DKK2: variants seen among roughly 807,000 people sequenced by gnomAD.
The protein encoded by DKK2 is dickkopf-related protein 2.
In DKK2, 11 loss-of-function variants were observed where a neutral mutation model predicts 28.1. That is an observed-to-expected ratio of 0.39 (90% confidence interval 0.25 to 0.65). The LOEUF (loss-of-function observed/expected upper bound fraction) is 0.65, where lower values mean the gene tolerates loss of function less well. DKK2 is among the 30% of genes least tolerant of loss of function. The pLI is 0.47. For synonymous variants in DKK2, 135 were observed against 126.5 expected, an observed-to-expected ratio of 1.07 and a Z score of -0.45; for missense variants, 326 against 335.5, an observed-to-expected ratio of 0.97 and a Z score of 0.22.
At chr4:106,924,503 T>G (rs1445440391) in intron 3 of DKK2, 42 bp downstream of exon 3, 1 of 1,580,926 alleles carries the variant, frequency 6.3e-7, no homozygotes. Flanking sequence ...TTTCTTCTAT[T>G]TCTTTATTTT....
intron 1 of DKK2, among the ~76,000 whole-genome samples, chr4:106,999,326 C>T (rs1013638095): frequency 6.6e-6 from 1 of 152,128 alleles, no homozygotes; most frequent in African/African-American, 2.4e-5. Flanking sequence ...ACATTATGTG[C>T]ATATACCAAC....
intron 1 of DKK2, among the ~76,000 whole-genome samples, chr4:106,953,148 G>A (rs1183385953): frequency 6.6e-6 from 1 of 152,004 alleles, no homozygotes; most frequent in Non-Finnish European, 1.5e-5. Flanking sequence ...ATTCCCATTT[G>A]TGTTTCAACT....
At chr4:106,991,653 C>T (rs1444629776) in intron 1 of DKK2, among the ~76,000 whole-genome samples, 1 of 152,144 alleles carries the variant, frequency 6.6e-6, no homozygotes, top group Non-Finnish European at 1.5e-5. Context: ...CAATTTGCCA[C>T]AGTGTTTTCG....
Position 106,922,165 on chromosome 4 carries a change from A to C in DKK2, c.*1789T>G, listed in dbSNP as rs1411437647. The C allele has an allele frequency of 6.6e-6, 1 of 152,544 alleles. No individual in the cohort carries two copies. The highest frequency in any genetic ancestry group is 2.4e-5 in the African/African-American group (1 of 41,444). 9.4% of individuals were successfully genotyped at this position (152,544 alleles called of 1,614,324 possible). A position where few individuals can be genotyped will look rare whatever the true frequency, so the allele number is the denominator to read the frequency against. On this transcript the variant is annotated 3_prime_UTR_variant, in exon 4 of 4. Coordinates refer to ENST00000285311, the MANE Select transcript of DKK2 (RefSeq NM_014421.3). Reference sequence around the variant, plus strand: ...TTTGTTTTTGCAGACCTGTGCAGAAAATGTAAGTCTTAATCATCTTAGTAA... The same window carrying C: ...TTTGTTTTTGCAGACCTGTGCAGAACATGTAAGTCTTAATCATCTTAGTAA...
chr4:107,011,991 C>A (rs544794633), intron 1 of DKK2, among the ~76,000 whole-genome samples: 5 of 151,248 alleles, frequency 3.3e-5, no homozygotes, highest in African/African-American at 4.8e-5. Flanking sequence ...AAGTAAATTT[C>A]TATTTTGCTC....
chr4:107,023,334 A>T (rs1467832381), intron 1 of DKK2, among the ~76,000 whole-genome samples: 1 of 152,128 alleles, frequency 6.6e-6, no homozygotes, highest in Non-Finnish European at 1.5e-5. Flanking sequence ...AATCACTGTG[A>T]AAAGACATGG....
At chr4:106,971,333 T>C (rs1335812244) in intron 1 of DKK2, among the ~76,000 whole-genome samples, 1 of 152,148 alleles carries the variant, frequency 6.6e-6, no homozygotes, top group Admixed American at 6.6e-5. Flanking sequence ...TTAACAATAG[T>C]AGCCCCAGAA....
At chr4:106,996,475 A>G (rs949318964) in intron 1 of DKK2, among the ~76,000 whole-genome samples, 1 of 152,166 alleles carries the variant, frequency 6.6e-6, no homozygotes, top group African/African-American at 2.4e-5. Flanking sequence ...GACATAAACT[A>G]TACGAAATCA....
chr4:106,933,595 C>A (rs908463676), intron 1 of DKK2, among the ~76,000 whole-genome samples: 6 of 152,138 alleles, frequency 3.9e-5, no homozygotes, highest in African/African-American at 1.2e-4. Context: ...GCTGGCAATG[C>A]GCAAACTTTG....
At chr4:107,008,510 A>G (rs1358308534) in intron 1 of DKK2, among the ~76,000 whole-genome samples, 2 of 152,064 alleles carry the variant, frequency 1.3e-5, no homozygotes, top group African/African-American at 4.8e-5. Context: ...TCCAAGTAGA[A>G]TTTTTAATAG....
intron 1 of DKK2, among the ~76,000 whole-genome samples, chr4:106,930,805 G>A (rs1409927716): frequency 6.6e-6 from 1 of 152,170 alleles, no homozygotes; most frequent in East Asian, 1.9e-4. Flanking sequence ...TTTGAGGCTA[G>A]TGGATAGATG....
intron 1 of DKK2, among the ~76,000 whole-genome samples, chr4:106,940,073 C>G (rs1578350063): frequency 6.6e-6 from 1 of 152,066 alleles, no homozygotes; most frequent in Non-Finnish European, 1.5e-5. Flanking sequence ...TCTAAAACAC[C>G]AAAAGCAATG....
chr4:107,025,108 G>A (rs904066616), intron 1 of DKK2, among the ~76,000 whole-genome samples: 2 of 152,140 alleles, frequency 1.3e-5, no homozygotes, highest in Admixed American at 1.3e-4. Context: ...TCCACGTGAG[G>A]TTGAAGAAGG....
chr4:106,968,252 G>C (rs749023715), intron 1 of DKK2, among the ~76,000 whole-genome samples: 30 of 152,198 alleles, frequency 2.0e-4, no homozygotes, highest in Non-Finnish European at 2.9e-4. Flanking sequence ...AGAGGCATAG[G>C]ATTTAGAGAC....
chr4:106,968,642 G>A (rs191336448), intron 1 of DKK2, among the ~76,000 whole-genome samples: 4 of 152,178 alleles, frequency 2.6e-5, no homozygotes, highest in East Asian at 1.9e-4. Context: ...GACACAGTGC[G>A]CCTAACAGAT....
intron 1 of DKK2, among the ~76,000 whole-genome samples, chr4:106,972,471 G>A (rs1009832985): frequency 6.6e-6 from 1 of 150,692 alleles, no homozygotes; most frequent in Non-Finnish European, 1.5e-5. Context: ...ACAAAGTACT[G>A]TTAAAAGACA....
chr4:107,021,838 A>G (rs969030968), intron 1 of DKK2, among the ~76,000 whole-genome samples: 2 of 152,098 alleles, frequency 1.3e-5, no homozygotes, highest in African/African-American at 4.8e-5. Flanking sequence ...CATAATGCCC[A>G]TCACAATCAG....
chr4:106,948,034 T>A (rs1724803225), intron 1 of DKK2, among the ~76,000 whole-genome samples: 1 of 152,152 alleles, frequency 6.6e-6, no homozygotes, highest in South Asian at 2.1e-4. Context: ...TTCCAAAACA[T>A]TTCCATCACT....
intron 1 of DKK2, among the ~76,000 whole-genome samples, chr4:106,963,718 A>G (rs1286979093): frequency 2.6e-5 from 4 of 152,168 alleles, no homozygotes; most frequent in Non-Finnish European, 5.9e-5. Flanking sequence ...TATACAAGAG[A>G]TATTTGAACT....
Sources: allele counts gnomAD v4.1 joint callset (sites outside exome capture counted in the v4.1 genomes callset), GRCh38; gene constraint gnomAD v4.1.1; transcripts MANE v1.5; gene names NCBI Gene and HGNC (gene_info 2026-07-23, HGNC 2026-07-21).